ATP2B2: variants seen among roughly 807,000 people sequenced by gnomAD.
The protein encoded by ATP2B2 is plasma membrane calcium-transporting ATPase 2.
ATP2B2 carries 15 observed loss-of-function variants against 120.0 expected under a neutral mutation model. The observed-to-expected ratio is 0.12, with a 90% CI of 0.08 to 0.19. ATP2B2 has a LOEUF of 0.19. ATP2B2 is among the 10% of genes least tolerant of loss of function. The probability of loss-of-function intolerance (pLI) is 1.00; values close to 1 mark genes in which losing one functional copy is unlikely to be tolerated. For missense variants in ATP2B2, 1,045 were observed against 1,719.8 expected (o/e 0.61, Z 6.94); for synonymous variants, 694 against 700.3 (o/e 0.99, Z 0.14).
intron 8 of ATP2B2, among the ~76,000 whole-genome samples, chr3:10,384,574 T>C (rs902210091): frequency 6.6e-6 from 1 of 152,186 alleles, no homozygotes; most frequent in Non-Finnish European, 1.5e-5. Context: ...GAGATTAAGA[T>C]GCAGACACCA....
intron 2 of ATP2B2, among the ~76,000 whole-genome samples, chr3:10,560,970 T>C (rs769784532): frequency 6.6e-6 from 1 of 152,134 alleles, no homozygotes; most frequent in Non-Finnish European, 1.5e-5. Flanking sequence ...CCTGGAACAC[T>C]CGTGCCCTGC....
intron 1 of ATP2B2, among the ~76,000 whole-genome samples, chr3:10,661,364 A>C (rs1478522027): frequency 2.6e-5 from 4 of 152,244 alleles, no homozygotes; most frequent in African/African-American, 7.2e-5. Context: ...ATCTCAGCCC[A>C]AAATCTCCTT....
upstream of ATP2B2, chr3:10,505,756 G>T (rs1575433833): frequency 1.4e-5 from 2 of 138,556 alleles, no homozygotes; most frequent in East Asian, 2.3e-4. Flanking sequence ...GACACAGGGA[G>T]GGCCGGTTCT....
chr3:10,381,815 C>T (rs143246432), intron 8 of ATP2B2, among the ~76,000 whole-genome samples: 1 of 152,196 alleles, frequency 6.6e-6, no homozygotes, highest in African/African-American at 2.4e-5. Context: ...GGTCTATTCT[C>T]TCTGTGCATC....
intron 22 of ATP2B2, among the ~76,000 whole-genome samples, chr3:10,333,876 G>C (rs1427710189): frequency 4.6e-5 from 7 of 152,196 alleles, no homozygotes; most frequent in Admixed American, 1.3e-4. Flanking sequence ...TTCCAAGACT[G>C]TTCCAAAGTT....
chr3:10,350,590 G>T lies in ATP2B2; in HGVS notation c.2137-13C>A. 6.2e-7 allele frequency: 1 copy of T among 1,609,772 alleles called. No individual in the cohort carries two copies. Among genetic ancestry groups the T allele is most frequent in the African/African-American group, 1.3e-5 (1 of 75,032 alleles). On this transcript the variant is annotated splice_polypyrimidine_tract_variant and intron_variant, in intron 14 of 22. Coordinates refer to ENST00000360273, the MANE Select transcript of ATP2B2 (RefSeq NM_001001331.4). ...TGGCTTCTGGGACCTGGGCAGGAGG[G>T]CAGGGGCCATGGGGGAGGGCACCAC...
At chr3:10,527,732 C>A (rs13321005) in intron 3 of ATP2B2, among the ~76,000 whole-genome samples, 11,940 of 152,290 alleles carry the variant, frequency 0.078, 867 homozygotes, top group African/African-American at 0.18. Flanking sequence ...CCTCGCGAAC[C>A]CAGCCTCCCA....
At chr3:10,663,556 G>A (rs76378671) in intron 1 of ATP2B2, among the ~76,000 whole-genome samples, 1,586 of 152,248 alleles carry the variant, frequency 0.01, 19 homozygotes, top group Middle Eastern at 0.031. Flanking sequence ...AAGGGGCCCC[G>A]CACCAGAGTG....
Position 10,662,685 on chromosome 3 carries a change from G to A in ATP2B2, c.-459-42724C>T, listed in dbSNP as rs111671018. ...CATCTATTGTGGAAGACTGTGTGGC[G>A]GTTCTTCAAGGATCTAGAACCAGAA... On this transcript the variant is annotated intron_variant, in intron 1 of 21. Coordinates refer to the ATP2B2 transcript ENST00000646379. Among the ~76,000 whole-genome samples the A allele has an allele frequency of 4.6e-5, 7 of 151,994 alleles. 1 individual carries two copies. Among genetic ancestry groups the A allele is most frequent in the Admixed American group, 2.0e-4 (3 of 15,284 alleles).
At chr3:10,663,927 G>C (rs868502403) in intron 1 of ATP2B2, among the ~76,000 whole-genome samples, 1 of 152,134 alleles carries the variant, frequency 6.6e-6, no homozygotes, top group Non-Finnish European at 1.5e-5. Flanking sequence ...GTCCTTAGGA[G>C]TGAAAGAATG....
intron 3 of ATP2B2, among the ~76,000 whole-genome samples, chr3:10,516,167 C>T (rs569644166): frequency 2.6e-4 from 39 of 152,350 alleles, no homozygotes; most frequent in Admixed American, 1.6e-3. Context: ...ACATGGTTAC[C>T]TGGAGTTCAT....
intron 1 of ATP2B2, among the ~76,000 whole-genome samples, chr3:10,655,874 C>A (rs540848314): frequency 6.6e-6 from 1 of 152,208 alleles, no homozygotes; most frequent in Non-Finnish European, 1.5e-5. Flanking sequence ...ATTCAACGTG[C>A]CTCCTCCTTC....
At chr3:10,579,643 T>C (rs1284427504) in intron 2 of ATP2B2, among the ~76,000 whole-genome samples, 1 of 152,086 alleles carries the variant, frequency 6.6e-6, no homozygotes, top group Non-Finnish European at 1.5e-5. Context: ...ACCCTGTCTC[T>C]ACTAAAAAAT....
intron 1 of ATP2B2, among the ~76,000 whole-genome samples, chr3:10,678,804 A>G (rs1159650067): frequency 1.3e-5 from 2 of 152,198 alleles, no homozygotes; most frequent in Non-Finnish European, 2.9e-5. Flanking sequence ...TTCCCAGCCT[A>G]TGGTGTACAT....
chr3:10,391,684 G>A (rs1217018956), intron 5 of ATP2B2, among the ~76,000 whole-genome samples: 3 of 152,124 alleles, frequency 2.0e-5, no homozygotes, highest in African/African-American at 7.2e-5. Flanking sequence ...GCCAGGGCAG[G>A]GGAGACGGGG....
chr3:10,652,332 G>A (rs2125667944), intron 1 of ATP2B2, among the ~76,000 whole-genome samples: 1 of 152,300 alleles, frequency 6.6e-6, no homozygotes, highest in Middle Eastern at 3.4e-3. Flanking sequence ...AGCTACATCA[G>A]AGAAAATAAA....
In ATP2B2 at chr3:10,346,936, C is replaced by T. The variant is rs1347712175; in HGVS notation, c.2405-799G>A. ...CTGAAACCCTTCCTTTTCTCTGTCT[C>T]CACCCTCTGCCACCAGCATCACTTT... On this transcript the variant is annotated intron_variant, in intron 16 of 22. Coordinates refer to ENST00000360273, the MANE Select transcript of ATP2B2 (RefSeq NM_001001331.4). This position sits in a 1 kb window ranked among gnomAD's most constrained non-coding sequence, Gnocchi z 4.1. Among the ~76,000 whole-genome samples, 1 of 152,138 alleles carries T rather than the reference C, an allele frequency of 6.6e-6. No individual in the cohort carries two copies. Among genetic ancestry groups the T allele is most frequent in the African/African-American group, 2.4e-5 (1 of 41,424 alleles).
At chr3:10,473,963 G>C (rs370052108) in intron 1 of ATP2B2, among the ~76,000 whole-genome samples, 2 of 152,224 alleles carry the variant, frequency 1.3e-5, no homozygotes, top group African/African-American at 4.8e-5. Context: ...ATAGATTAAC[G>C]TACTTTTCCC....
Position 10,503,510 on chromosome 3 carries a change from C to T in ATP2B2, c.-320+1955G>A, listed in dbSNP as rs905131507. On this transcript the variant is annotated intron_variant, in intron 1 of 22. Coordinates refer to ENST00000360273, the MANE Select transcript of ATP2B2 (RefSeq NM_001001331.4). ...TGGCGGGCACTTAGGATCCAGTATCCCTCTGTCCTCATCGGAAGTCCCTTA... is the reference window on the plus strand; with the variant it reads ...TGGCGGGCACTTAGGATCCAGTATCTCTCTGTCCTCATCGGAAGTCCCTTA... Among the ~76,000 whole-genome samples the T allele has an allele frequency of 2.0e-5, 3 of 152,262 alleles. No individual in the cohort carries two copies. The East Asian group carries it at 5.8e-4, about 29-fold the overall frequency.
Sources: gnomAD v4.1 joint callset for allele counts (sites outside exome capture counted in the v4.1 genomes callset) on GRCh38, gnomAD v4.1.1 for gene constraint, Gnocchi (gnomAD v3.1) non-coding constraint, MANE v1.5 for transcripts, NCBI Gene and HGNC (gene_info 2026-07-23, HGNC 2026-07-21) for gene names.